Variants in PTPRJ observed in about 807,000 individuals in gnomAD.
PTPRJ encodes receptor-type tyrosine-protein phosphatase eta.
Under a neutral mutation model 141.3 loss-of-function variants are expected in PTPRJ, and 129 were observed. The observed-to-expected ratio is 0.91, with a 90% CI of 0.79 to 1.06. The LOEUF (loss-of-function observed/expected upper bound fraction) is 1.06, where lower values mean the gene tolerates loss of function less well. Among genes scored for constraint, PTPRJ ranks in the 50% least tolerant of loss-of-function variants. The pLI is 0.00. For missense variants in PTPRJ, 1,601 were observed against 1,679.7 expected (o/e 0.95, Z 0.82); for synonymous variants, 610 against 640.5 (o/e 0.95, Z 0.72).
At chr11:48,114,174 C>T (rs529902902) in intron 3 of PTPRJ, among the ~76,000 whole-genome samples, 1 of 152,210 alleles carries the variant, frequency 6.6e-6, no homozygotes, top group South Asian at 2.1e-4. Flanking sequence ...CACAGTGGCT[C>T]ATGCCTGTAA....
intron 7 of PTPRJ, among the ~76,000 whole-genome samples, chr11:48,129,136 G>A (rs1305353187): frequency 1.3e-5 from 2 of 152,224 alleles, no homozygotes; most frequent in Non-Finnish European, 2.9e-5. Flanking sequence ...AACAGAAACT[G>A]TGAGCTATTT....
At chr11:47,999,001 G>T (rs571940569) in intron 1 of PTPRJ, among the ~76,000 whole-genome samples, 10 of 152,308 alleles carry the variant, frequency 6.6e-5, no homozygotes, top group African/African-American at 2.4e-4. Flanking sequence ...ATGCAACTTG[G>T]TAGTTAATGA....
intron 1 of PTPRJ, among the ~76,000 whole-genome samples, chr11:48,098,057 C>T (rs544276508): frequency 4.6e-5 from 7 of 152,242 alleles, no homozygotes; most frequent in South Asian, 2.1e-4. Flanking sequence ...CAGAGGATGT[C>T]GGTATAGACA....
chr11:48,148,198 A>G (rs1857398037), intron 15 of PTPRJ, among the ~76,000 whole-genome samples: 1 of 152,154 alleles, frequency 6.6e-6, no homozygotes, highest in Non-Finnish European at 1.5e-5. Context: ...GCTGGATAAA[A>G]CAGTTTTATT....
chr11:48,136,336 T>C, intron 9 of PTPRJ, 40 bp downstream of exon 9: 3 of 1,594,468 alleles, frequency 1.9e-6, no homozygotes, highest in Non-Finnish European at 2.6e-6. Context: ...ACAGCCTCTC[T>C]AACTGTCTCT....
At chr11:48,058,578 A>C (rs936346828) in intron 1 of PTPRJ, among the ~76,000 whole-genome samples, 1 of 151,966 alleles carries the variant, frequency 6.6e-6, no homozygotes, top group African/African-American at 2.4e-5. Flanking sequence ...CTGTGGGTTC[A>C]ATCTTCAAAG....
At chr11:48,078,532 G>A (rs746920802) in intron 1 of PTPRJ, among the ~76,000 whole-genome samples, 26 of 152,196 alleles carry the variant, frequency 1.7e-4, no homozygotes, top group Non-Finnish European at 3.5e-4. Context: ...GAACTTTTAG[G>A]AAGAGTAGGA....
Position 48,081,266 on chromosome 11 carries a change from C to T in PTPRJ, c.97-28792C>T, listed in dbSNP as rs367674082. Among the ~76,000 whole-genome samples the T allele has an allele frequency of 4.4e-4, 67 of 152,320 alleles. No individual in the cohort carries two copies. The East Asian group carries it at 7.1e-3, about 16-fold the overall frequency. On this transcript the variant is annotated intron_variant, in intron 1 of 24. Coordinates refer to ENST00000418331, the MANE Select transcript of PTPRJ (RefSeq NM_002843.4). Reference sequence around the variant, plus strand: ...TGCCCCCTCCTGCCGGCGACAGGTCCGGATGTGGGCCAGTTCTCAGCCCAG... The same window carrying T: ...TGCCCCCTCCTGCCGGCGACAGGTCTGGATGTGGGCCAGTTCTCAGCCCAG...
At chr11:47,991,909 GGCT>G (rs1234327514) in intron 1 of PTPRJ, among the ~76,000 whole-genome samples, 1 of 152,124 alleles carries the variant, frequency 6.6e-6, no homozygotes, top group African/African-American at 2.4e-5. Context: ...AACAGATATT[GGCT>G]GCTATTTTAT....
At chr11:48,073,866 GTATTA>G (rs1324182694) in intron 1 of PTPRJ, among the ~76,000 whole-genome samples, 4 of 152,096 alleles carry the variant, frequency 2.6e-5, no homozygotes, top group African/African-American at 9.7e-5. Flanking sequence ...AATCTTTAGA[GTATTA>G]TATTTAAGAC....
At chr11:48,021,400 T>TAAAG in intron 1 of PTPRJ, among the ~76,000 whole-genome samples, 1 of 118,728 alleles carries the variant, frequency 8.4e-6, no homozygotes, top group Non-Finnish European at 1.6e-5. Context: ...AATAAATAAA[T>TAAAG]AAATAAATAA....
At chr11:48,066,603 T>TATC (rs61055435) in intron 1 of PTPRJ, among the ~76,000 whole-genome samples, 1 of 143,234 alleles carries the variant, frequency 7.0e-6, no homozygotes, top group South Asian at 2.2e-4. Context: ...TTATTATTAT[T>TATC]GAGACTGAGT....
At chr11:48,133,683 C>T (rs368473291) in intron 8 of PTPRJ, among the ~76,000 whole-genome samples, 7 of 152,244 alleles carry the variant, frequency 4.6e-5, no homozygotes, top group East Asian at 3.9e-4. Flanking sequence ...TAGCATTGTT[C>T]ACAGTAGCCA....
At position 47,980,742 on chromosome 11, in the gene PTPRJ, G is replaced by T; in HGVS notation, c.-171G>T. 9.9e-7 allele frequency: 1 copy of T among 1,011,984 alleles called. No homozygotes were observed. Among genetic ancestry groups the T allele is most frequent in the African/African-American group, 1.7e-5 (1 of 57,506 alleles). The allele number at this position is 1,011,984 out of a possible 1,614,324, so 62.7% of individuals were successfully genotyped here. A position where few individuals can be genotyped will look rare whatever the true frequency, so the allele number is the denominator to read the frequency against. On this transcript the variant is annotated 5_prime_UTR_variant, in exon 1 of 25. Coordinates refer to ENST00000418331, the MANE Select transcript of PTPRJ (RefSeq NM_002843.4). ...GCGTGTGGCCGCGGCCGCCGCCGCC[G>T]CTGCCATGTCTCCGGGGAAGCCCGG...
At chr11:48,136,982 T>A in intron 9 of PTPRJ, 21 bp from the exon 10 acceptor site, 1 of 1,557,764 alleles carries the variant, frequency 6.4e-7, no homozygotes, top group South Asian at 1.1e-5. Flanking sequence ...TTACATGAAT[T>A]GCCTTTTTTT....
intron 1 of PTPRJ, among the ~76,000 whole-genome samples, chr11:48,046,779 A>C (rs1336678736): frequency 1.3e-5 from 2 of 151,756 alleles, no homozygotes; most frequent in Non-Finnish European, 2.9e-5. Flanking sequence ...ACTTAGGCTC[A>C]GAGAGGCTGG....
chr11:48,007,830 G>T (rs1854665291), intron 1 of PTPRJ, among the ~76,000 whole-genome samples: 1 of 152,242 alleles, frequency 6.6e-6, no homozygotes, highest in Non-Finnish European at 1.5e-5. Context: ...CCCAGAGCAG[G>T]AAGGGTCATT....
chr11:48,094,338 C>T (rs529404183), intron 1 of PTPRJ, among the ~76,000 whole-genome samples: 12 of 152,206 alleles, frequency 7.9e-5, no homozygotes, highest in African/African-American at 2.2e-4. Flanking sequence ...CTTTTTTTAG[C>T]GAATGGCAAT....
intron 1 of PTPRJ, among the ~76,000 whole-genome samples, chr11:48,072,830 G>A (rs1018295011): frequency 1.3e-5 from 2 of 152,014 alleles, no homozygotes; most frequent in Non-Finnish European, 2.9e-5. Context: ...TATGTATTAG[G>A]AAAAAGCCCA....
Sources: gnomAD v4.1 joint callset for allele counts (sites outside exome capture counted in the v4.1 genomes callset) on GRCh38, gnomAD v4.1.1 for gene constraint, MANE v1.5 for transcripts, NCBI Gene and HGNC (gene_info 2026-07-23, HGNC 2026-07-21) for gene names.